Variants in GLIS1 observed in about 807,000 individuals in gnomAD.
GLIS1 encodes zinc finger protein GLIS1.
GLIS1 carries 24 observed loss-of-function variants against 63.8 expected under a neutral mutation model. The observed-to-expected ratio is 0.38, with a 90% CI of 0.27 to 0.53. GLIS1 has a LOEUF of 0.53. Among genes scored for constraint, GLIS1 ranks in the 20% least tolerant of loss-of-function variants. The probability of loss-of-function intolerance (pLI) is 0.85; values close to 1 mark genes in which losing one functional copy is unlikely to be tolerated. For synonymous variants in GLIS1, 450 were observed against 482.5 expected, an observed-to-expected ratio of 0.93 and a Z score of 0.88; for missense variants, 1,036 against 1,074.1, an observed-to-expected ratio of 0.96 and a Z score of 0.50.
chr1:53,637,014 G>A (rs1292567443), intron 2 of GLIS1, among the ~76,000 whole-genome samples: 1 of 152,222 alleles, frequency 6.6e-6, no homozygotes, highest in Non-Finnish European at 1.5e-5. Flanking sequence ...CAGGACGTGA[G>A]GGTGACTGGA....
chr1:53,539,039 C>A lies in GLIS1; in HGVS notation c.1321-9087G>T, dbSNP rs142165371. Among the ~76,000 whole-genome samples, 1 of 152,006 alleles carries A rather than the reference C, an allele frequency of 6.6e-6. No individual in the cohort carries two copies. The highest frequency in any genetic ancestry group is 1.5e-5 in the Non-Finnish European group (1 of 67,996). ...CCAGTGCAGAGCTGTGGCTAGACAT[C>A]GTCTGGAATGAGGAAAGAGGCTCTG... On this transcript the variant is annotated intron_variant, in intron 4 of 10. Coordinates refer to ENST00000628545, the MANE Select transcript of GLIS1 (RefSeq NM_001367484.1). The surrounding 1 kb of genome is among the most constrained non-coding windows in gnomAD (Gnocchi z 5.0).
At chr1:53,556,040 T>TGTGTGTGTGCAGGTGTATTGCAG (rs1644818899) in intron 4 of GLIS1, among the ~76,000 whole-genome samples, 2 of 32,032 alleles carry the variant, frequency 6.2e-5, no homozygotes, top group African/African-American at 1.3e-3. Context: ...ATTGCAGGTG[T>TGTGTGTGTGCAGGTGTATTGCAG]GTGTGTGTGT....
chr1:53,510,414 C>T (rs1028122093), intron 8 of GLIS1, among the ~76,000 whole-genome samples: 2 of 152,188 alleles, frequency 1.3e-5, no homozygotes, highest in African/African-American at 4.8e-5. Flanking sequence ...GTGTTCATTA[C>T]CTGCTGGGTG....
At chr1:53,580,744 A>T (rs140066489) in intron 4 of GLIS1, among the ~76,000 whole-genome samples, 22 of 152,154 alleles carry the variant, frequency 1.4e-4, no homozygotes, top group African/African-American at 5.1e-4. Context: ...ACACGTGCCT[A>T]ACCAATGCCG....
At chr1:53,625,550 G>A (rs1557487741) in intron 2 of GLIS1, among the ~76,000 whole-genome samples, 1 of 152,090 alleles carries the variant, frequency 6.6e-6, no homozygotes, top group East Asian at 1.9e-4. Context: ...AACATTGATT[G>A]CACATCTCCT....
chr1:53,521,559 GAC>G (rs1459490584), intron 6 of GLIS1, among the ~76,000 whole-genome samples: 1 of 152,164 alleles, frequency 6.6e-6, no homozygotes, highest in African/African-American at 2.4e-5. Context: ...GAGGAGTAAT[GAC>G]ACAGAGTGAC....
chr1:53,553,017 G>A (rs371962762), intron 4 of GLIS1, among the ~76,000 whole-genome samples: 1 of 152,228 alleles, frequency 6.6e-6, no homozygotes. Context: ...GACTAACTGT[G>A]TCAGGTGCAT....
intron 2 of GLIS1, among the ~76,000 whole-genome samples, chr1:53,684,708 T>C (rs1196441773): frequency 6.6e-6 from 1 of 152,184 alleles, no homozygotes; most frequent in East Asian, 1.9e-4. Context: ...ATGAATCTCC[T>C]TCATACAGCT....
chr1:53,623,974 T>C (rs1176005222), intron 2 of GLIS1, among the ~76,000 whole-genome samples: 3 of 152,228 alleles, frequency 2.0e-5, no homozygotes, highest in Non-Finnish European at 2.9e-5. Flanking sequence ...TCTATCCAGA[T>C]TGACCTGTAA....
intron 2 of GLIS1, among the ~76,000 whole-genome samples, chr1:53,717,360 C>T (rs764640457): frequency 1.3e-5 from 2 of 152,192 alleles, no homozygotes; most frequent in African/African-American, 4.8e-5. Context: ...TCACACTATC[C>T]ATCAGCAATG....
chr1:53,597,624 A>C (rs1645272484), intron 3 of GLIS1, among the ~76,000 whole-genome samples: 1 of 152,066 alleles, frequency 6.6e-6, no homozygotes, highest in South Asian at 2.1e-4. Context: ...GCAGGCGCCG[A>C]GAGTGGAGAG....
At chr1:53,650,811 G>A (rs1440012786) in intron 2 of GLIS1, among the ~76,000 whole-genome samples, 6 of 152,176 alleles carry the variant, frequency 3.9e-5, no homozygotes, top group Non-Finnish European at 5.9e-5. Context: ...ATCTCACCCC[G>A]TCTGCCCACT....
At chr1:53,510,958 G>A (rs576216240) in intron 8 of GLIS1, among the ~76,000 whole-genome samples, 1 of 152,310 alleles carries the variant, frequency 6.6e-6, no homozygotes, top group African/African-American at 2.4e-5. Flanking sequence ...GTGGCTGAGA[G>A]CAGCACAGGT....
chr1:53,509,984 C>A lies in GLIS1; in HGVS notation c.1927G>T (p.Gly643Trp). ...LLSPIVSPLK[G>W]LGPPPLPPSS... Reference sequence around the variant, plus strand: ...GGGGGCAGCGGCGGTGGCCCCAGCCCCTTCAGGGGGCTGACTATTGGTGAG... The same window carrying A: ...GGGGGCAGCGGCGGTGGCCCCAGCCACTTCAGGGGGCTGACTATTGGTGAG... The change falls in exon 9 of 11, where the codon GGG becomes TGG. Residue 643 changes from glycine (G) to tryptophan (W), a missense_variant. Transcript: ENST00000628545. 7.8e-7 allele frequency: 1 copy of A among 1,289,146 alleles called. No homozygotes were observed. The highest frequency in any genetic ancestry group is 2.9e-5 in the East Asian group (1 of 34,800). The allele number at this position is 1,289,146 out of a possible 1,614,324, so 79.9% of individuals were successfully genotyped here. A position where few individuals can be genotyped will look rare whatever the true frequency, so the allele number is the denominator to read the frequency against.
intron 2 of GLIS1, among the ~76,000 whole-genome samples, chr1:53,691,833 C>A (rs1392924847): frequency 6.6e-6 from 1 of 152,178 alleles, no homozygotes; most frequent in Admixed American, 6.5e-5. Flanking sequence ...AGGGTCACAC[C>A]CACCCAGCAT....
chr1:53,674,673 G>A (rs1178496104), intron 2 of GLIS1, among the ~76,000 whole-genome samples: 1 of 152,182 alleles, frequency 6.6e-6, no homozygotes, highest in Non-Finnish European at 1.5e-5. Context: ...TAGGCTTAGG[G>A]TAAAGGCATG....
intron 4 of GLIS1, among the ~76,000 whole-genome samples, chr1:53,583,879 T>C (rs989735403): frequency 6.6e-6 from 1 of 152,186 alleles, no homozygotes; most frequent in Non-Finnish European, 1.5e-5. Context: ...CATTATGGGA[T>C]ATGCTTTTCC....
intron 2 of GLIS1, among the ~76,000 whole-genome samples, chr1:53,604,296 C>T (rs1469159076): frequency 5.9e-5 from 9 of 152,210 alleles, no homozygotes; most frequent in Non-Finnish European, 1.3e-4. Context: ...GGGTTCAGTA[C>T]ATGCAGGATG....
chr1:53,731,448 CG>C (rs1646860155), intron 2 of GLIS1, among the ~76,000 whole-genome samples: 5 of 152,178 alleles, frequency 3.3e-5, no homozygotes, highest in Non-Finnish European at 7.3e-5. Context: ...CTTGGGGGCG[CG>C]CAGCTCTCTA....
Sources: allele counts gnomAD v4.1 joint callset (sites outside exome capture counted in the v4.1 genomes callset), GRCh38; gene constraint gnomAD v4.1.1; non-coding constraint Gnocchi (gnomAD v3.1); transcripts MANE v1.5; gene names NCBI Gene and HGNC (gene_info 2026-07-23, HGNC 2026-07-21).